The following CDKN2B-AS1 variants were observed in gnomAD, a reference collection of about 807,000 sequenced individuals.
CDKN2B-AS1 encodes CDKN2B antisense RNA 1 (non-protein coding).
At chr9:22,043,182 A>G (rs941713054) in intron 1 of CDKN2B-AS1, among the ~76,000 whole-genome samples, 1 of 150,874 alleles carries the variant, frequency 6.6e-6, no homozygotes, top group African/African-American at 2.5e-5. Context: ...CTATGTGCTT[A>G]GATTTTTCCA....
At chr9:22,120,189 G>A (rs1378873965) in intron 4 of CDKN2B-AS1, 4 of 151,980 alleles carry the variant, frequency 2.6e-5, no homozygotes, top group African/African-American at 4.8e-5. Context: ...TCCTTGTCTC[G>A]TTCTTCCCAG....
rs1820934588 is a variant in CDKN2B-AS1 at position 22,001,914 on chromosome 9, C to G, written n.29+6753C>G. On this transcript the variant is annotated intron_variant and non_coding_transcript_variant, in intron 1 of 4. Coordinates refer to ENST00000650946, the Ensembl canonical transcript of CDKN2B-AS1. This position sits in a 1 kb window ranked among gnomAD's most constrained non-coding sequence, Gnocchi z 4.2. ...CCAGTCAAGTCCTTGTTTCACTTTT[C>G]TTCATTCCCTCTTTCTTTCCTGTCG... Among the ~76,000 whole-genome samples, 1 of 152,068 alleles carries G rather than the reference C, an allele frequency of 6.6e-6. No individual in the cohort carries two copies.
chr9:22,079,529 GA>G (rs1197468327), intron 4 of CDKN2B-AS1, among the ~76,000 whole-genome samples: 6 of 148,984 alleles, frequency 4.0e-5, no homozygotes, highest in African/African-American at 7.4e-5. Context: ...AAAAGGGAAA[GA>G]AAAAAAAGAA....
intron 4 of CDKN2B-AS1, among the ~76,000 whole-genome samples, chr9:22,056,799 C>G (rs1043540537): frequency 6.6e-5 from 10 of 152,192 alleles, no homozygotes; most frequent in Non-Finnish European, 1.3e-4. Context: ...GACCCATCTC[C>G]TCAACTCCGG....
At chr9:22,103,004 G>A (rs1825535847) in intron 4 of CDKN2B-AS1, among the ~76,000 whole-genome samples, 1 of 152,120 alleles carries the variant, frequency 6.6e-6, no homozygotes, top group Non-Finnish European at 1.5e-5. Context: ...TCAGAAATGT[G>A]GGAAAATTGA....
At chr9:22,010,704 TAAC>T (rs1192383631) in intron 1 of CDKN2B-AS1, among the ~76,000 whole-genome samples, 1 of 152,206 alleles carries the variant, frequency 6.6e-6, no homozygotes, top group African/African-American at 2.4e-5. Context: ...GTAGCATTAA[TAAC>T]AATTTCTTTT....
intron 1 of CDKN2B-AS1, among the ~76,000 whole-genome samples, chr9:22,013,997 C>A (rs978252758): frequency 6.6e-6 from 1 of 152,090 alleles, no homozygotes; most frequent in African/African-American, 2.4e-5. Context: ...AGTGGGATTA[C>A]GTACTTTCAC....
intron 4 of CDKN2B-AS1, among the ~76,000 whole-genome samples, chr9:22,085,907 C>G (rs1824855363): frequency 6.6e-6 from 1 of 151,136 alleles, no homozygotes; most frequent in African/African-American, 2.4e-5. Context: ...ATCTCGTAGC[C>G]CATTTCTTTG....
chr9:22,095,364 A>G (rs1382321698), intron 4 of CDKN2B-AS1, among the ~76,000 whole-genome samples: 1 of 144,772 alleles, frequency 6.9e-6, no homozygotes, highest in Non-Finnish European at 1.5e-5. Flanking sequence ...GTAGTCATTC[A>G]GGAGTGGGTA....
At chr9:22,098,785 G>C (rs568977923) in intron 4 of CDKN2B-AS1, among the ~76,000 whole-genome samples, 2 of 152,130 alleles carry the variant, frequency 1.3e-5, no homozygotes, top group Non-Finnish European at 2.9e-5. Context: ...GGCATCTTCT[G>C]ACTTCAGATC....
intron 1 of CDKN2B-AS1, chr9:22,008,693 C>G (rs756160608): frequency 3.1e-6 from 5 of 1,611,036 alleles, no homozygotes; most frequent in African/African-American, 1.3e-5. Context: ...AACGGAGACT[C>G]CTGTACAAAT....
chr9:22,072,022 A>G (rs1824314446), intron 4 of CDKN2B-AS1, among the ~76,000 whole-genome samples: 1 of 152,212 alleles, frequency 6.6e-6, no homozygotes, highest in Admixed American at 6.5e-5. Flanking sequence ...AGCAGTCAGA[A>G]GAAGGGACAG....
At chr9:22,012,643 A>G (rs1315803675) in intron 1 of CDKN2B-AS1, 1 of 370,008 alleles carries the variant, frequency 2.7e-6, no homozygotes, top group Non-Finnish European at 5.2e-6. Flanking sequence ...GTATGAATAG[A>G]ACTGGTTGAC....
intron 2 of CDKN2B-AS1, among the ~76,000 whole-genome samples, chr9:22,048,525 C>T (rs1251224074): frequency 5.3e-5 from 8 of 152,130 alleles, no homozygotes; most frequent in Non-Finnish European, 7.3e-5. Flanking sequence ...CATACATATA[C>T]GTACATACTT....
At chr9:22,118,274 A>G (rs1212776928) in intron 4 of CDKN2B-AS1, 1 of 152,170 alleles carries the variant, frequency 6.6e-6, no homozygotes, top group Non-Finnish European at 1.5e-5. Context: ...AGAGAGAGAG[A>G]GAGAGAAAGA....
At chr9:22,017,219 G>T (rs544530743) in intron 1 of CDKN2B-AS1, among the ~76,000 whole-genome samples, 51 of 152,198 alleles carry the variant, frequency 3.4e-4, no homozygotes, top group Non-Finnish European at 7.1e-4. Context: ...AAGGTCAGGA[G>T]TTCGAGACCA....
At chr9:22,070,933 G>C (rs918352934) in intron 4 of CDKN2B-AS1, among the ~76,000 whole-genome samples, 1 of 152,078 alleles carries the variant, frequency 6.6e-6, no homozygotes, top group African/African-American at 2.4e-5. Context: ...GCCTAGAGTA[G>C]CTGTCAGTTA....
intron 4 of CDKN2B-AS1, among the ~76,000 whole-genome samples, chr9:22,059,618 C>T (rs991265791): frequency 6.6e-5 from 10 of 152,190 alleles, no homozygotes; most frequent in African/African-American, 1.4e-4. Flanking sequence ...GTCTGAAGGA[C>T]GATGGCCCTC....
intron 4 of CDKN2B-AS1, among the ~76,000 whole-genome samples, chr9:22,101,986 C>A (rs1028496875): frequency 6.6e-4 from 100 of 152,164 alleles, no homozygotes; most frequent in Non-Finnish European, 5.6e-4. Flanking sequence ...GAGACTGCAA[C>A]CAACTGCCTA....
Sources: allele counts gnomAD v4.1 joint callset (sites outside exome capture counted in the v4.1 genomes callset), GRCh38; gene constraint gnomAD v4.1.1; non-coding constraint Gnocchi (gnomAD v3.1); transcripts MANE v1.5; gene names NCBI Gene and HGNC (gene_info 2026-07-23, HGNC 2026-07-21).